The following THEMIS variants were observed in gnomAD, a reference collection of about 807,000 sequenced individuals.
THEMIS encodes the protein thymocyte selection associated.
Under a neutral mutation model 52.6 loss-of-function variants are expected in THEMIS, and 37 were observed. That is an observed-to-expected ratio of 0.70 (90% CI 0.54 to 0.93). The LOEUF is 0.93. Ranked by LOEUF, THEMIS falls within the 40% of genes least tolerant of loss-of-function variation. The pLI is 0.00. For synonymous variants in THEMIS, 292 were observed against 272.7 expected, an observed-to-expected ratio of 1.07 and a Z score of -0.70; for missense variants, 808 against 763.1, an observed-to-expected ratio of 1.06 and a Z score of -0.69.
In THEMIS at chr6:127,796,431, G is replaced by A. The variant is rs117890937; in HGVS notation, c.1758+16452C>T. On this transcript the variant is annotated intron_variant, in intron 4 of 5. Transcript: ENST00000368248. ...AGGACAAATTTAATTGATAGCTTGA[G>A]GCACTAAAGACCAGATCAACCTTAT... is the stretch of plus-strand genomic sequence containing the variant. Among the ~76,000 whole-genome samples the A allele has an allele frequency of 4.3e-3, 662 of 152,230 alleles. 3 individuals are homozygous for A. Among genetic ancestry groups the A allele is most frequent in the Non-Finnish European group, 7.1e-3 (482 of 68,004 alleles).
At chr6:127,725,255 TTAAC>T (rs1169475424) in intron 4 of THEMIS, among the ~76,000 whole-genome samples, 2 of 152,118 alleles carry the variant, frequency 1.3e-5, no homozygotes, top group African/African-American at 2.4e-5. Flanking sequence ...AAATCTCTCA[TTAAC>T]TAACTTTCTT....
At chr6:127,763,510 A>G (rs1776091802) in intron 4 of THEMIS, among the ~76,000 whole-genome samples, 1 of 151,986 alleles carries the variant, frequency 6.6e-6, no homozygotes, top group Non-Finnish European at 1.5e-5. Context: ...ATTTAAAACA[A>G]AAACAAACCA....
chr6:127,733,081 T>C (rs528285239), intron 4 of THEMIS, among the ~76,000 whole-genome samples: 49 of 152,352 alleles, frequency 3.2e-4, no homozygotes, highest in African/African-American at 1.1e-3. Context: ...AGATGACTGA[T>C]GAGATTAAAT....
chr6:127,832,968 G>T (rs1441745512), intron 2 of THEMIS, among the ~76,000 whole-genome samples: 9 of 151,590 alleles, frequency 5.9e-5, no homozygotes, highest in African/African-American at 2.2e-4. Context: ...ATTTTTAATA[G>T]AGACAGGGTT....
intron 3 of THEMIS, among the ~76,000 whole-genome samples, chr6:127,818,629 A>G (rs1192506096): frequency 1.3e-5 from 2 of 151,938 alleles, no homozygotes; most frequent in African/African-American, 4.8e-5. Context: ...AAAAAAGCAC[A>G]CTCTGAAGAG....
chr6:127,818,146 C>T (rs1778200084), intron 3 of THEMIS, among the ~76,000 whole-genome samples: 2 of 152,140 alleles, frequency 1.3e-5, no homozygotes, highest in South Asian at 2.1e-4. Context: ...CTTCTCTGTA[C>T]TTCTACATAA....
chr6:127,705,290 A>C (rs1773784060), downstream of THEMIS, among the ~76,000 whole-genome samples: 1 of 152,230 alleles, frequency 6.6e-6, no homozygotes. Context: ...CTTAATCAGT[A>C]GATATCAACT....
Position 127,813,218 on chromosome 6 carries a change from C to A in THEMIS, c.1423G>T (p.Ala475Ser), listed in dbSNP as rs1278884249. 6.2e-6 allele frequency: 10 copies of A among 1,614,046 alleles called. No individual in the cohort carries two copies. Among genetic ancestry groups the A allele is most frequent in the Middle Eastern group, 3.3e-4 (2 of 6,060 alleles). The change falls in exon 4 of 6, where the codon GCC becomes TCC. Residue 475 changes from alanine to serine, a missense_variant. Ala to Ser is a moderately conservative substitution (Grantham distance 99). Coordinates refer to ENST00000368248, the MANE Select transcript of THEMIS (RefSeq NM_001010923.3). ...TCCTCCAACTGCAGTCCTGGTGTGG[C>A]AGCCAACACGTCCTCTTCAATGGAA... Reference protein sequence around the residue: ...DLSIEEDVLAATPGLQLEEDI... With the variant: ...DLSIEEDVLASTPGLQLEEDI...
intron 1 of THEMIS, among the ~76,000 whole-genome samples, chr6:127,878,981 C>T (rs1173199730): frequency 6.6e-6 from 1 of 152,078 alleles, no homozygotes; most frequent in Non-Finnish European, 1.5e-5. Flanking sequence ...AATTTCTTAA[C>T]AGCAGAAATT....
intron 1 of THEMIS, among the ~76,000 whole-genome samples, chr6:127,857,946 C>A (rs1057430517): frequency 4.6e-5 from 7 of 151,954 alleles, no homozygotes; most frequent in Non-Finnish European, 8.8e-5. Context: ...AGTAAAGAAG[C>A]AAATAGTAAA....
chr6:127,834,588 C>T (rs1778812763), intron 2 of THEMIS, among the ~76,000 whole-genome samples: 1 of 151,696 alleles, frequency 6.6e-6, no homozygotes, highest in African/African-American at 2.4e-5. Context: ...CATCACAAAA[C>T]AATAATAGTA....
intron 4 of THEMIS, among the ~76,000 whole-genome samples, chr6:127,787,832 TAG>T (rs1562257782): frequency 2.2e-5 from 3 of 139,064 alleles, no homozygotes; most frequent in African/African-American, 8.1e-5. Context: ...GATAGATAGA[TAG>T]ATAGAGATAG....
chr6:127,797,056 T>C (rs1040103179), intron 4 of THEMIS, among the ~76,000 whole-genome samples: 4 of 152,194 alleles, frequency 2.6e-5, no homozygotes, highest in African/African-American at 9.7e-5. Flanking sequence ...TTAATCCCAC[T>C]TGAGTTTTTT....
intron 4 of THEMIS, among the ~76,000 whole-genome samples, chr6:127,745,562 T>C (rs551550184): frequency 2.6e-5 from 4 of 152,002 alleles, no homozygotes; most frequent in Admixed American, 2.6e-4. Flanking sequence ...ATATTGGTAT[T>C]ATGCCCTGTG....
rs1778007339 is a variant in THEMIS at position 127,813,507 on chromosome 6, G to C, written c.1134C>G (p.Asp378Glu). The C allele has an allele frequency of 3.1e-6, 5 of 1,613,746 alleles. No homozygotes were observed. The South Asian group carries it at 5.5e-5, about 18-fold the overall frequency. Residue 378 changes from aspartate to glutamate, a missense_variant, in exon 4 of 6, where the codon GAC becomes GAG. By Grantham distance (45) the Asp-to-Glu change is conservative. Coordinates refer to ENST00000368248, the MANE Select transcript of THEMIS (RefSeq NM_001010923.3). ...CCCCAACAGATACGGATGACAGCTT[G>C]TCATGAGGGGAATGAAACGCTTTGG... ...VATKAFHSPH[D>E]KLSSVSVGDQ...
chr6:127,813,823 A>G lies in THEMIS; in HGVS notation c.818T>C (p.Leu273Pro). 1 of 1,613,976 alleles carries G rather than the reference A, an allele frequency of 6.2e-7. No homozygotes were observed. Among genetic ancestry groups the G allele is most frequent in the South Asian group, 1.1e-5 (1 of 91,038 alleles). ...WFLQLLSTED[L>P]FEMTSKEFPI... The stretch of plus-strand genomic sequence containing the variant: ...GAACTCTTTACTAGTCATTTCAAAA[A>G]GATCTTCTGTTGATAACAGCTGAAG... Residue 273 changes from leucine to proline, a missense_variant, in exon 4 of 6, where the codon CTT (leucine) becomes CCT (proline). Leu to Pro is a moderately conservative substitution (Grantham distance 98, BLOSUM62 -3). Transcript: ENST00000368248.
intron 1 of THEMIS, among the ~76,000 whole-genome samples, chr6:127,910,889 GC>G (rs1180121631): frequency 3.9e-5 from 6 of 151,946 alleles, no homozygotes; most frequent in African/African-American, 1.4e-4. Flanking sequence ...ATTGCCTTTG[GC>G]CATTATGTCT....
intron 1 of THEMIS, among the ~76,000 whole-genome samples, chr6:127,857,027 C>T (rs1301517479): frequency 1.3e-5 from 2 of 151,464 alleles, no homozygotes; most frequent in African/African-American, 4.9e-5. Flanking sequence ...TCTTGTATGA[C>T]TACAACACAT....
chr6:127,832,068 A>C (rs546711041), intron 2 of THEMIS, among the ~76,000 whole-genome samples: 1 of 152,346 alleles, frequency 6.6e-6, no homozygotes, highest in Admixed American at 6.5e-5. Flanking sequence ...ATCTCATAAA[A>C]GGTAGAGACA....
Sources: allele counts gnomAD v4.1 joint callset (sites outside exome capture counted in the v4.1 genomes callset), GRCh38; gene constraint gnomAD v4.1.1; transcripts MANE v1.5; gene names NCBI Gene and HGNC (gene_info 2026-07-23, HGNC 2026-07-21).